ADAMTS3: variants seen among roughly 807,000 people sequenced by gnomAD.
ADAMTS3 encodes the protein ADAM metallopeptidase with thrombospondin type 1 motif 3, also known as A disintegrin and metalloproteinase with thrombospondin motifs 3.
ADAMTS3 carries 73 observed loss-of-function variants against 129.0 expected under a neutral mutation model. That is an observed-to-expected ratio of 0.57 (90% CI 0.47 to 0.69). The LOEUF is 0.69. Ranked by LOEUF, ADAMTS3 falls within the 30% of genes least tolerant of loss-of-function variation. ADAMTS3 has a pLI of 0.00. For missense variants in ADAMTS3, 1,457 were observed against 1,514.5 expected (o/e 0.96, Z 0.63); for synonymous variants, 477 against 510.8 (o/e 0.93, Z 0.89).
intron 3 of ADAMTS3, among the ~76,000 whole-genome samples, chr4:72,477,930 T>C (rs1476440563): frequency 1.3e-5 from 2 of 151,762 alleles, no homozygotes; most frequent in African/African-American, 4.8e-5. Context: ...GCAAATAAAC[T>C]AGAAAACCTA....
At chr4:72,530,733 ATATTATATATAT>A (rs1328715483) in intron 3 of ADAMTS3, among the ~76,000 whole-genome samples, 1 of 55,148 alleles carries the variant, frequency 1.8e-5, no homozygotes, top group African/African-American at 9.9e-5. Flanking sequence ...TATACATTAT[ATATTATATATAT>A]TATATATTAT....
intron 3 of ADAMTS3, among the ~76,000 whole-genome samples, chr4:72,531,828 T>G (rs1721050736): frequency 6.6e-6 from 1 of 152,110 alleles, no homozygotes; most frequent in South Asian, 2.1e-4. Context: ...TCAGACACAT[T>G]AGGTGGCTTG....
rs78118915 is a variant in ADAMTS3 at position 72,347,280 on chromosome 4, C to CTT, written c.662-7589_662-7588dup. Among the ~76,000 whole-genome samples, 123 of 140,142 alleles carry CTT rather than the reference C, an allele frequency of 8.8e-4. 1 individual carries two copies. The South Asian group carries it at 0.012, about 14-fold the overall frequency. The allele number at this position is 140,142 out of a possible 152,430, so 91.9% of individuals were successfully genotyped here. A position where few individuals can be genotyped will look rare whatever the true frequency, so the allele number is the denominator to read the frequency against. On this transcript the variant is annotated intron_variant, in intron 4 of 21. Transcript: ENST00000286657. ...ACCACCTCATTTTCTTATTTTACTG[C>CTT]TTTTTTTTTTTTTTTCCATTTGCTA...
chr4:72,553,210 T>C (rs563595151), intron 2 of ADAMTS3, among the ~76,000 whole-genome samples: 1 of 152,284 alleles, frequency 6.6e-6, no homozygotes, highest in Admixed American at 6.5e-5. Flanking sequence ...CTTGGAAAGC[T>C]TGTGTATATT....
chr4:72,551,649 T>A (rs909963378), intron 2 of ADAMTS3, among the ~76,000 whole-genome samples: 7 of 152,198 alleles, frequency 4.6e-5, no homozygotes. Flanking sequence ...GCTCTATGAT[T>A]TGTGTTTGAG....
intron 4 of ADAMTS3, among the ~76,000 whole-genome samples, chr4:72,391,365 A>T (rs1364061529): frequency 6.6e-6 from 1 of 152,036 alleles, no homozygotes; most frequent in Non-Finnish European, 1.5e-5. Flanking sequence ...CAGGAGGAAA[A>T]GGAGAGTGTT....
intron 21 of ADAMTS3, among the ~76,000 whole-genome samples, chr4:72,284,230 G>A (rs1718438895): frequency 6.6e-6 from 1 of 151,996 alleles, no homozygotes; most frequent in Non-Finnish European, 1.5e-5. Flanking sequence ...AAATTCTCCA[G>A]TTTGAGATCG....
chr4:72,555,633 A>G (rs1721744483), intron 2 of ADAMTS3, among the ~76,000 whole-genome samples: 1 of 152,014 alleles, frequency 6.6e-6, no homozygotes, highest in African/African-American at 2.4e-5. Context: ...TTCAGAAACT[A>G]TAAGATCTTT....
chr4:72,459,443 C>A (rs776678412), intron 3 of ADAMTS3, among the ~76,000 whole-genome samples: 25 of 151,518 alleles, frequency 1.6e-4, no homozygotes, highest in Non-Finnish European at 3.1e-4. Context: ...TTATCAAAAC[C>A]AATGTACTTA....
At chr4:72,555,024 G>A (rs1379578606) in intron 2 of ADAMTS3, among the ~76,000 whole-genome samples, 2 of 151,830 alleles carry the variant, frequency 1.3e-5, no homozygotes, top group East Asian at 3.9e-4. Flanking sequence ...ATAAATGCTG[G>A]CAATTAATGT....
chr4:72,405,400 TA>T (rs954060604), intron 4 of ADAMTS3, among the ~76,000 whole-genome samples: 139 of 151,998 alleles, frequency 9.1e-4, no homozygotes, highest in African/African-American at 3.3e-3. Context: ...TAACACAATA[TA>T]AAAAAATATA....
chr4:72,365,518 A>C (rs1720849050), intron 4 of ADAMTS3, among the ~76,000 whole-genome samples: 1 of 152,216 alleles, frequency 6.6e-6, no homozygotes, highest in Non-Finnish European at 1.5e-5. Context: ...ATTATATATC[A>C]GGGCCACTGC....
rs769267492 is a variant in ADAMTS3 at position 72,320,772 on chromosome 4, T to G, written c.1044A>C (p.Glu348Asp). 1 of 1,614,008 alleles carries G rather than the reference T, an allele frequency of 6.2e-7. No individual in the cohort carries two copies. Residue 348 changes from glutamate (E) to aspartate (D), a missense_variant, in exon 7 of 22, where the codon GAA (glutamate) becomes GAC (aspartate). Transcript: ENST00000286657. ...TTAAAAAAATTGCATGGTCATGGTG[T>G]TCAGAGTGGTTGAGATCAGATCTTT... is the stretch of plus-strand genomic sequence containing the variant. ...QQQRSDLNHS[E>D]HHDHAIFLTR... is the part of the protein sequence containing the mutation.
chr4:72,475,080 G>A (rs1719193664), intron 3 of ADAMTS3, among the ~76,000 whole-genome samples: 1 of 149,494 alleles, frequency 6.7e-6, no homozygotes, highest in Admixed American at 6.7e-5. Flanking sequence ...TTTAAAGGCA[G>A]GAAAAATAAA....
chr4:72,298,797 T>A (rs1718875179), intron 17 of ADAMTS3, among the ~76,000 whole-genome samples: 1 of 151,622 alleles, frequency 6.6e-6, no homozygotes. Flanking sequence ...ATAATTAAAA[T>A]TAAAGGATTA....
At chr4:72,319,997 T>A in intron 7 of ADAMTS3, 34 bp from the exon 8 acceptor site, 1 of 1,572,380 alleles carries the variant, frequency 6.4e-7, no homozygotes, top group Non-Finnish European at 8.7e-7. Context: ...TATTTTCATT[T>A]TATGAGAAAA....
chr4:72,408,349 C>T (rs886752352), intron 4 of ADAMTS3, among the ~76,000 whole-genome samples: 1 of 151,732 alleles, frequency 6.6e-6, no homozygotes, highest in African/African-American at 2.4e-5. Flanking sequence ...CTGAATCCTC[C>T]ACAGAGACAT....
At chr4:72,305,822 GCACATATACGTATGCACATGTACGTA>G (rs1560465612) in intron 16 of ADAMTS3, among the ~76,000 whole-genome samples, 139 bp downstream of exon 16, 1 of 151,766 alleles carries the variant, frequency 6.6e-6, no homozygotes, top group African/African-American at 2.4e-5. Flanking sequence ...GCACATGTAC[GCACATATACGTATGCACATGTACGTA>G]CATATACGTA....
intron 3 of ADAMTS3, among the ~76,000 whole-genome samples, chr4:72,531,682 G>A (rs570332333): frequency 6.6e-6 from 1 of 152,162 alleles, no homozygotes; most frequent in Non-Finnish European, 1.5e-5. Flanking sequence ...CCCAGTTCAT[G>A]GAGGCAAAAT....
Sources: allele counts gnomAD v4.1 joint callset (sites outside exome capture counted in the v4.1 genomes callset), GRCh38; gene constraint gnomAD v4.1.1; transcripts MANE v1.5; gene names NCBI Gene and HGNC (gene_info 2026-07-23, HGNC 2026-07-21).